Variants in CHODL observed in about 807,000 individuals in gnomAD.
The protein encoded by CHODL is transmembrane protein MT75.
In CHODL, 29 loss-of-function variants were observed where a neutral mutation model predicts 34.5. The ratio of observed to expected loss-of-function variants is 0.84; its 90% confidence interval spans 0.63 to 1.15. CHODL has a LOEUF of 1.15. Ranked by LOEUF, CHODL falls within the 50% of genes most tolerant of loss-of-function variation. The pLI, the probability that CHODL is intolerant of heterozygous loss-of-function variation, is 0.00. For synonymous variants in CHODL, 125 were observed against 116.1 expected (o/e 1.08, Z -0.49); for missense variants, 332 against 332.5 (o/e 1.00, Z 0.01).
chr21:17,978,617 C>T (rs2063688619), intron 1 of CHODL, among the ~76,000 whole-genome samples: 1 of 151,194 alleles, frequency 6.6e-6, no homozygotes, highest in Non-Finnish European at 1.5e-5. Flanking sequence ...ACTCGGGAGG[C>T]GGAGGCAGGA....
rs970685847 is a variant in CHODL, at chr21:17,955,569, C to T, written c.-145+38169C>T. 5.9e-5 allele frequency among the ~76,000 whole-genome samples: 8 copies of T among 136,564 alleles called. 1 individual carries two copies. Among genetic ancestry groups the T allele is most frequent in the African/African-American group, 2.0e-4 (8 of 39,894 alleles). 89.6% of individuals were successfully genotyped at this position (136,564 alleles called of 152,430 possible). ...TGCATAATGACTCTTTAGACAGTCA[C>T]CAGGGGAGTACTAATGCAGAAACCA... On this transcript the variant is annotated intron_variant, in intron 1 of 6. Coordinates refer to the CHODL transcript ENST00000400127.
intron 1 of CHODL, among the ~76,000 whole-genome samples, chr21:17,928,061 A>G (rs750582798): frequency 3.3e-5 from 5 of 152,222 alleles, no homozygotes; most frequent in African/African-American, 7.2e-5. Flanking sequence ...AACAGGTTCA[A>G]TGGCATGGTG....
intron 1 of CHODL, among the ~76,000 whole-genome samples, chr21:18,025,522 C>T (rs1241825564): frequency 2.6e-5 from 4 of 152,040 alleles, no homozygotes; most frequent in Non-Finnish European, 5.9e-5. Flanking sequence ...ATCTATGTCC[C>T]TCTACTTCTT....
chr21:18,155,816 ACTGATTTAAT>A (rs2073027356), intron 2 of CHODL, among the ~76,000 whole-genome samples: 1 of 152,228 alleles, frequency 6.6e-6, no homozygotes, highest in African/African-American at 2.4e-5. Context: ...TGAGGAGGCT[ACTGATTTAAT>A]TCTAGTCTTT....
chr21:18,062,184 T>A (rs2064675291), intron 2 of CHODL, among the ~76,000 whole-genome samples: 1 of 152,124 alleles, frequency 6.6e-6, no homozygotes, highest in African/African-American at 2.4e-5. Context: ...AAGTTTAAAC[T>A]TTTGAGAATG....
intron 1 of CHODL, among the ~76,000 whole-genome samples, chr21:17,991,600 C>T (rs197562): frequency 0.54 from 81,810 of 150,166 alleles, 23,070 homozygotes; most frequent in African/African-American, 0.69. Context: ...CATTTGTATG[C>T]ATCCTTTTGG....
chr21:18,156,660 T>C (rs2073038506), intron 2 of CHODL, among the ~76,000 whole-genome samples: 1 of 152,166 alleles, frequency 6.6e-6, no homozygotes, highest in African/African-American at 2.4e-5. Flanking sequence ...CAAATTAAAA[T>C]ATGTTTGCTT....
At chr21:18,044,398 A>C (rs2064415341) in intron 2 of CHODL, among the ~76,000 whole-genome samples, 1 of 151,986 alleles carries the variant, frequency 6.6e-6, no homozygotes, top group Non-Finnish European at 1.5e-5. Flanking sequence ...TGAATAAAAA[A>C]CACCACATCG....
chr21:17,963,023 C>T (rs1356642204), intron 1 of CHODL, among the ~76,000 whole-genome samples: 1 of 150,848 alleles, frequency 6.6e-6, no homozygotes, highest in East Asian at 1.9e-4. Flanking sequence ...GAGATCGCAC[C>T]ACTGCACTCC....
intron 2 of CHODL, among the ~76,000 whole-genome samples, chr21:18,198,369 C>T (rs1252534189): frequency 2.0e-5 from 3 of 152,048 alleles, no homozygotes; most frequent in African/African-American, 7.2e-5. Flanking sequence ...CTTTTTCCTC[C>T]TTTGTGTCTC....
At chr21:18,070,091 C>A (rs1490710222) in intron 2 of CHODL, among the ~76,000 whole-genome samples, 1 of 133,528 alleles carries the variant, frequency 7.5e-6, no homozygotes, top group African/African-American at 2.8e-5. Context: ...TTCTTTCGTT[C>A]TCTGGCTAGT....
At chr21:18,013,372 C>A (rs2064037132) in intron 1 of CHODL, among the ~76,000 whole-genome samples, 1 of 151,354 alleles carries the variant, frequency 6.6e-6, no homozygotes, top group Admixed American at 6.6e-5. Flanking sequence ...ATGCTCATCT[C>A]TAGGAATTTC....
chr21:18,246,759 C>A (rs1304825452), intron 1 of CHODL, among the ~76,000 whole-genome samples: 1 of 152,020 alleles, frequency 6.6e-6, no homozygotes, highest in Admixed American at 6.6e-5. Context: ...TCCTAGGCCT[C>A]AACATTTTAA....
intron 2 of CHODL, among the ~76,000 whole-genome samples, chr21:18,044,858 T>C (rs2064422324): frequency 6.6e-6 from 1 of 151,892 alleles, no homozygotes; most frequent in African/African-American, 2.4e-5. Flanking sequence ...GGGCTTAATT[T>C]ATGTATTCAA....
At chr21:18,183,513 A>G (rs2073406313) in intron 2 of CHODL, among the ~76,000 whole-genome samples, 1 of 152,146 alleles carries the variant, frequency 6.6e-6, no homozygotes, top group Non-Finnish European at 1.5e-5. Context: ...GATGTTTGTG[A>G]GATGTCCTTG....
intron 1 of CHODL, among the ~76,000 whole-genome samples, chr21:18,007,137 A>G (rs2063968544): frequency 1.3e-5 from 2 of 152,178 alleles, no homozygotes; most frequent in Admixed American, 6.5e-5. Context: ...AAAAAAAACT[A>G]CTTCAAGAAA....
intron 2 of CHODL, among the ~76,000 whole-genome samples, chr21:18,187,238 C>G (rs2073454051): frequency 1.3e-5 from 2 of 152,152 alleles, no homozygotes; most frequent in Admixed American, 1.3e-4. Flanking sequence ...ACCCAGTGTT[C>G]TAGCCAGATA....
intron 2 of CHODL, among the ~76,000 whole-genome samples, chr21:18,053,217 T>A (rs1029274631): frequency 6.6e-6 from 1 of 151,870 alleles, no homozygotes; most frequent in Non-Finnish European, 1.5e-5. Flanking sequence ...CAGCTAAAAA[T>A]GTAAGAGGAA....
At chr21:17,977,186 G>A (rs1197954840) in intron 1 of CHODL, among the ~76,000 whole-genome samples, 1 of 152,096 alleles carries the variant, frequency 6.6e-6, no homozygotes, top group Non-Finnish European at 1.5e-5. Flanking sequence ...GGAAATTAAT[G>A]CCTGAAGAGA....
Sources: allele counts gnomAD v4.1 joint callset (sites outside exome capture counted in the v4.1 genomes callset), GRCh38; gene constraint gnomAD v4.1.1; transcripts MANE v1.5; gene names NCBI Gene and HGNC (gene_info 2026-07-23, HGNC 2026-07-21).